The following UBE2E2 variants were observed in gnomAD, a reference collection of about 807,000 sequenced individuals.
UBE2E2 encodes ubiquitin conjugating enzyme E2 E2.
In UBE2E2, 6 loss-of-function variants were observed where a neutral mutation model predicts 24.7. That is an observed-to-expected ratio of 0.24 (90% CI 0.13 to 0.48). The LOEUF (loss-of-function observed/expected upper bound fraction) is 0.48. Among genes scored for constraint, UBE2E2 ranks in the 20% least tolerant of loss-of-function variants. The probability of loss-of-function intolerance (pLI) is 0.99; values close to 1 mark genes in which losing one functional copy is unlikely to be tolerated. For synonymous variants in UBE2E2, 104 were observed against 83.6 expected (o/e 1.24, Z -1.33); for missense variants, 169 against 245.0 (o/e 0.69, Z 2.07).
intron 3 of UBE2E2, among the ~76,000 whole-genome samples, chr3:23,228,016 G>A (rs1696871220): frequency 6.6e-6 from 1 of 152,070 alleles, no homozygotes; most frequent in Admixed American, 6.5e-5. Context: ...TTCAAATGGG[G>A]AACTTTATGT....
chr3:23,481,897 C>G (rs1278934919), intron 3 of UBE2E2, among the ~76,000 whole-genome samples: 1 of 152,156 alleles, frequency 6.6e-6, no homozygotes, highest in Non-Finnish European at 1.5e-5. Context: ...GTTTTGCTTA[C>G]AAAGAGAAGG....
chr3:23,558,517 A>T (rs62256973), intron 5 of UBE2E2, among the ~76,000 whole-genome samples: 31,704 of 152,066 alleles, frequency 0.21, 3,500 homozygotes, highest in Non-Finnish European at 0.25. Context: ...ATCAGTCTCC[A>T]AGAAAAGGTT....
At chr3:23,214,169 T>G (rs1035958175) in intron 2 of UBE2E2, among the ~76,000 whole-genome samples, 5 of 152,308 alleles carry the variant, frequency 3.3e-5, no homozygotes, top group South Asian at 2.1e-4. Context: ...AGTAAATTGC[T>G]TTTTGTATTG....
intron 3 of UBE2E2, among the ~76,000 whole-genome samples, chr3:23,448,924 T>C (rs1348236128): frequency 6.6e-6 from 1 of 152,246 alleles, no homozygotes; most frequent in Non-Finnish European, 1.5e-5. Flanking sequence ...TGTTTACTTC[T>C]TCTGTCTCCT....
At chr3:23,311,578 G>T (rs1468208081) in intron 3 of UBE2E2, among the ~76,000 whole-genome samples, 1 of 152,098 alleles carries the variant, frequency 6.6e-6, no homozygotes, top group Non-Finnish European at 1.5e-5. Context: ...ACCTTGGTCA[G>T]TTGCTTACAT....
At chr3:23,312,402 T>C (rs1000179244) in intron 3 of UBE2E2, among the ~76,000 whole-genome samples, 9 of 152,216 alleles carry the variant, frequency 5.9e-5, no homozygotes, top group African/African-American at 1.9e-4. Flanking sequence ...AATCCAGTTA[T>C]ACTCCTTCAG....
intron 3 of UBE2E2, among the ~76,000 whole-genome samples, chr3:23,461,019 A>G (rs1335110400): frequency 2.0e-5 from 3 of 152,098 alleles, no homozygotes; most frequent in African/African-American, 7.2e-5. Flanking sequence ...ACTTCACACT[A>G]GTGATTGGTA....
intron 3 of UBE2E2, among the ~76,000 whole-genome samples, chr3:23,383,116 A>C (rs548467677): frequency 6.6e-6 from 1 of 152,322 alleles, no homozygotes; most frequent in South Asian, 2.1e-4. Flanking sequence ...GAACAGTTAG[A>C]ATGTTACTGT....
chr3:23,363,378 C>G (rs1250073350), intron 3 of UBE2E2, among the ~76,000 whole-genome samples: 1 of 152,132 alleles, frequency 6.6e-6, no homozygotes, highest in Non-Finnish European at 1.5e-5. Flanking sequence ...GAAGCAAGAT[C>G]GAACTGTATC....
chr3:23,370,055 G>A (rs977414397), intron 3 of UBE2E2, among the ~76,000 whole-genome samples: 1 of 152,136 alleles, frequency 6.6e-6, no homozygotes, highest in African/African-American at 2.4e-5. Flanking sequence ...TTTCTCAAAA[G>A]CTATATCAAC....
chr3:23,205,858 T>G lies in UBE2E2; in HGVS notation c.-9+2394T>G, dbSNP rs552812908. 1.9e-4 allele frequency among the ~76,000 whole-genome samples: 29 copies of G among 152,324 alleles called. 1 individual carries two copies. The East Asian group carries it at 2.1e-3, about 11-fold the overall frequency. ...AGAAATTTGAGTTTCAGATTATGGC[T>G]CAGATCACATCATTGAGTAATCTTT... On this transcript the variant is annotated intron_variant, in intron 1 of 5. Coordinates refer to ENST00000396703, the MANE Select transcript of UBE2E2 (RefSeq NM_152653.4).
chr3:23,272,684 G>A (rs1698277177), intron 3 of UBE2E2, among the ~76,000 whole-genome samples: 2 of 152,326 alleles, frequency 1.3e-5, no homozygotes, highest in Admixed American at 1.3e-4. Flanking sequence ...GAGAGAGAGA[G>A]AGAGAGATTG....
intron 2 of UBE2E2, among the ~76,000 whole-genome samples, chr3:23,216,628 C>G (rs1430226057): frequency 6.6e-6 from 1 of 151,892 alleles, no homozygotes; most frequent in African/African-American, 2.4e-5. Flanking sequence ...ATGTTAGATG[C>G]TGTTAAAAAT....
chr3:23,243,299 C>T (rs1473096843), intron 3 of UBE2E2, among the ~76,000 whole-genome samples: 1 of 152,160 alleles, frequency 6.6e-6, no homozygotes, highest in Non-Finnish European at 1.5e-5. Context: ...ATTTGTTAGG[C>T]ACTTATGAGG....
chr3:23,339,858 TAATC>T (rs1559353312), intron 3 of UBE2E2, among the ~76,000 whole-genome samples: 1 of 152,176 alleles, frequency 6.6e-6, no homozygotes, highest in Admixed American at 6.5e-5. Flanking sequence ...TGATTTAAAA[TAATC>T]AAAGTAGTCA....
At chr3:23,433,900 C>T (rs1698122939) in intron 3 of UBE2E2, among the ~76,000 whole-genome samples, 1 of 151,792 alleles carries the variant, frequency 6.6e-6, no homozygotes, top group African/African-American at 2.4e-5. Context: ...TTTAAGTTAC[C>T]TCGTTTGTAA....
intron 2 of UBE2E2, among the ~76,000 whole-genome samples, chr3:23,215,693 A>G (rs2125321127): frequency 6.6e-6 from 1 of 152,152 alleles, no homozygotes. Context: ...TTTCTCACTC[A>G]TTGGTGACCA....
intron 3 of UBE2E2, among the ~76,000 whole-genome samples, chr3:23,259,311 G>A (rs1461924068): frequency 6.6e-6 from 1 of 152,174 alleles, no homozygotes; most frequent in Non-Finnish European, 1.5e-5. Context: ...TGCTCGCTAA[G>A]TCTTATATTT....
At chr3:23,451,811 A>G (rs1375275836) in intron 3 of UBE2E2, among the ~76,000 whole-genome samples, 1 of 152,226 alleles carries the variant, frequency 6.6e-6, no homozygotes, top group African/African-American at 2.4e-5. Flanking sequence ...GTTTTAAAAA[A>G]TATATTTATG....
Sources: allele counts gnomAD v4.1 joint callset (sites outside exome capture counted in the v4.1 genomes callset), GRCh38; gene constraint gnomAD v4.1.1; transcripts MANE v1.5; gene names NCBI Gene and HGNC (gene_info 2026-07-23, HGNC 2026-07-21).